The following SH3D19 variants were observed in gnomAD, a reference collection of about 807,000 sequenced individuals.
SH3D19 encodes the protein SH3 domain containing 19, also known as SH3 domain-containing protein 19.
A neutral mutation model predicts 112.1 loss-of-function variants in SH3D19; 58 were observed. The observed-to-expected ratio is 0.52, with a 90% CI of 0.42 to 0.64. The LOEUF (loss-of-function observed/expected upper bound fraction) is 0.64, where lower values mean the gene tolerates loss of function less well. Ranked by LOEUF, SH3D19 falls within the 30% of genes least tolerant of loss-of-function variation. The pLI, the probability that SH3D19 is intolerant of heterozygous loss-of-function variation, is 0.00. For missense variants in SH3D19, 1,090 were observed against 1,263.4 expected (o/e 0.86, Z 2.08); for synonymous variants, 391 against 448.5 (o/e 0.87, Z 1.62).
At chr4:151,231,202 T>TA (rs1769579814) in intron 1 of SH3D19, among the ~76,000 whole-genome samples, 1 of 152,226 alleles carries the variant, frequency 6.6e-6, no homozygotes, top group African/African-American at 2.4e-5. Flanking sequence ...TCATACATCT[T>TA]ACTTTGGTGA....
intron 1 of SH3D19, among the ~76,000 whole-genome samples, chr4:151,247,542 T>G (rs747024145): frequency 1.5e-4 from 23 of 152,218 alleles, no homozygotes; most frequent in Non-Finnish European, 3.1e-4. Flanking sequence ...TTTACCTGCT[T>G]GAAATGTACA....
intron 2 of SH3D19, among the ~76,000 whole-genome samples, chr4:151,205,169 G>A (rs570555513): frequency 2.6e-5 from 4 of 152,258 alleles, no homozygotes; most frequent in East Asian, 1.9e-4. Flanking sequence ...GAGGGAAGAG[G>A]TGAGCATACA....
chr4:151,265,569 CTTTTT>C (rs763878307), intron 1 of SH3D19, among the ~76,000 whole-genome samples: 2 of 126,130 alleles, frequency 1.6e-5, no homozygotes, highest in South Asian at 2.3e-4. Context: ...TATTTCTTTT[CTTTTT>C]TTTTTTTTTT....
chr4:151,125,808 C>A (rs1282136122), intron 19 of SH3D19, among the ~76,000 whole-genome samples: 2 of 129,070 alleles, frequency 1.5e-5, no homozygotes, highest in Non-Finnish European at 3.1e-5. Flanking sequence ...CCACTGCAAT[C>A]CAGCCTGGGC....
chr4:151,258,393 C>T (rs17027480), intron 1 of SH3D19, among the ~76,000 whole-genome samples: 2,757 of 152,240 alleles, frequency 0.018, 41 homozygotes, highest in Middle Eastern at 0.037. Flanking sequence ...CATTTGAGAT[C>T]CCAAATCAGG....
chr4:151,208,344 T>G (rs1039516080), intron 2 of SH3D19, among the ~76,000 whole-genome samples: 3 of 152,208 alleles, frequency 2.0e-5, no homozygotes, highest in African/African-American at 7.2e-5. Context: ...AACAATCACA[T>G]AAATATTTCC....
At position 151,175,310 on chromosome 4, in the gene SH3D19, T is replaced by C. The variant is rs1240328409; in HGVS notation, c.894A>G (p.Lys298=). The C allele has an allele frequency of 6.2e-7, 1 of 1,613,806 alleles. No individual in the cohort carries two copies. The highest frequency in any genetic ancestry group is 1.3e-5 in the African/African-American group (1 of 74,864). Residue 298 remains lysine, a synonymous_variant, in exon 7 of 20, where the codon AAA becomes AAG. Coordinates refer to ENST00000604030, the MANE Select transcript of SH3D19 (RefSeq NM_001378122.1). ...QSQNSIVSRI[K]VFEGQTNIET... ...CTATGTTTGTCTGACCCTCAAACAC[T>C]TTAATTCTGGAAACAATACTATTTT...
At chr4:151,136,043 G>A (rs945094962) in intron 14 of SH3D19, among the ~76,000 whole-genome samples, 1 of 148,880 alleles carries the variant, frequency 6.7e-6, no homozygotes, top group East Asian at 2.0e-4. Context: ...AAAACAACTT[G>A]TGGATTCTCT....
At chr4:151,254,010 A>G (rs1771611755) in intron 1 of SH3D19, among the ~76,000 whole-genome samples, 1 of 152,202 alleles carries the variant, frequency 6.6e-6, no homozygotes, top group Admixed American at 6.5e-5. Context: ...ATTACAGACA[A>G]GAAAATAGAA....
chr4:151,176,979 G>A (rs548924902), intron 4 of SH3D19, 24 bp from the exon 5 acceptor site: 5 of 1,232,016 alleles, frequency 4.1e-6, no homozygotes, highest in Admixed American at 4.2e-5. Flanking sequence ...GCCTCAGTGA[G>A]GTTTTGCAGA....
intron 1 of SH3D19, among the ~76,000 whole-genome samples, chr4:151,315,227 C>T (rs1729876151): frequency 6.6e-6 from 1 of 152,160 alleles, no homozygotes; most frequent in African/African-American, 2.4e-5. Flanking sequence ...ATCACACCTA[C>T]TGCATAGGAT....
At chr4:151,202,570 G>A (rs148576897) in intron 2 of SH3D19, among the ~76,000 whole-genome samples, 55 of 152,294 alleles carry the variant, frequency 3.6e-4, no homozygotes, top group African/African-American at 1.3e-3. Context: ...AAGAATGTCT[G>A]TAAGATATGC....
chr4:151,218,573 C>T (rs139224035), intron 2 of SH3D19, among the ~76,000 whole-genome samples: 2 of 152,188 alleles, frequency 1.3e-5, no homozygotes, highest in East Asian at 3.9e-4. Flanking sequence ...TCATCATGCC[C>T]AGCTAATTCC....
chr4:151,230,970 A>G (rs1769562114), intron 1 of SH3D19, among the ~76,000 whole-genome samples: 1 of 152,190 alleles, frequency 6.6e-6, no homozygotes. Flanking sequence ...ACTCCCAAGC[A>G]TTACTGTTAA....
At chr4:151,289,443 C>T (rs1037255767) in intron 1 of SH3D19, among the ~76,000 whole-genome samples, 1 of 152,068 alleles carries the variant, frequency 6.6e-6, no homozygotes, top group Non-Finnish European at 1.5e-5. Flanking sequence ...AAAAGGTAGC[C>T]TATGAAACGG....
chr4:151,225,002 A>C (rs1768759334), intron 2 of SH3D19, among the ~76,000 whole-genome samples: 1 of 152,278 alleles, frequency 6.6e-6, no homozygotes, highest in African/African-American at 2.4e-5. Context: ...TGGAAAAAAA[A>C]TCAGTCAATA....
chr4:151,123,845 T>G (rs1333258521), intron 19 of SH3D19, among the ~76,000 whole-genome samples: 2 of 152,188 alleles, frequency 1.3e-5, no homozygotes, highest in Non-Finnish European at 2.9e-5. Context: ...AATGAATTTA[T>G]TTGTAGCCCT....
chr4:151,170,201 A>AT (rs548945770), intron 7 of SH3D19, among the ~76,000 whole-genome samples: 178 of 151,514 alleles, frequency 1.2e-3, no homozygotes, highest in African/African-American at 3.9e-3. Context: ...GGGAGTTTAC[A>AT]TTTTTTTTTA....
chr4:151,262,326 G>C (rs13134038), intron 1 of SH3D19: 132,439 of 152,238 alleles, frequency 0.87, 58,520 homozygotes, highest in Non-Finnish European at 0.96. Context: ...GATATCAAGC[G>C]TTCTTATACA....
Sources: gnomAD v4.1 joint callset for allele counts (sites outside exome capture counted in the v4.1 genomes callset) on GRCh38, gnomAD v4.1.1 for gene constraint, MANE v1.5 for transcripts, NCBI Gene and HGNC (gene_info 2026-07-23, HGNC 2026-07-21) for gene names.